WWOX: variants seen among roughly 807,000 people sequenced by gnomAD.
The protein encoded by WWOX is WW domain-containing oxidoreductase.
WWOX carries 69 observed loss-of-function variants against 46.2 expected under a neutral mutation model. The ratio of observed to expected loss-of-function variants is 1.49; its 90% confidence interval spans 1.23 to 1.82. WWOX has a LOEUF of 1.82. WWOX is among the 40% of genes most tolerant of loss of function. WWOX has a pLI of 0.00. For synonymous variants in WWOX, 359 were observed against 202.6 expected (o/e 1.77, Z -6.56); for missense variants, 919 against 542.6 (o/e 1.69, Z -6.89).
At chr16:78,469,752 C>G (rs1053144377) in intron 8 of WWOX, among the ~76,000 whole-genome samples, 3 of 152,120 alleles carry the variant, frequency 2.0e-5, no homozygotes, top group Admixed American at 1.3e-4. Context: ...AGAAATGTTA[C>G]CAGGCATATT....
intron 8 of WWOX, among the ~76,000 whole-genome samples, chr16:78,801,542 G>C (rs185296400): frequency 6.6e-6 from 1 of 152,124 alleles, no homozygotes; most frequent in Non-Finnish European, 1.5e-5. Flanking sequence ...TTTAGCTTCC[G>C]ATGAGGATAT....
At chr16:78,524,323 C>A (rs1597210160) in intron 8 of WWOX, among the ~76,000 whole-genome samples, 1 of 152,064 alleles carries the variant, frequency 6.6e-6, no homozygotes, top group South Asian at 2.1e-4. Flanking sequence ...TGCTGTAAGC[C>A]ACTTTCTTCT....
chr16:78,123,452 T>G (rs1428844128), intron 4 of WWOX: 6 of 25,662 alleles, frequency 2.3e-4, no homozygotes, highest in Non-Finnish European at 2.9e-4. Flanking sequence ...TTTTTTTTTT[T>G]TTGTTTTTTT....
chr16:79,027,280 A>AC (rs909630798), intron 8 of WWOX, among the ~76,000 whole-genome samples: 3 of 8,194 alleles, frequency 3.7e-4, no homozygotes, highest in African/African-American at 1.2e-3. Context: ...ACTCCATCTC[A>AC]AAAAAAAAAA....
intron 8 of WWOX, among the ~76,000 whole-genome samples, chr16:79,038,664 C>G (rs762095844): frequency 6.8e-4 from 104 of 152,244 alleles, no homozygotes; most frequent in Non-Finnish European, 9.3e-4. Context: ...ATTTTCCTGC[C>G]TCAGGCTCCC....
At chr16:78,869,163 T>G (rs1323112371) in intron 8 of WWOX, among the ~76,000 whole-genome samples, 1 of 152,222 alleles carries the variant, frequency 6.6e-6, no homozygotes, top group Non-Finnish European at 1.5e-5. Context: ...ATATACGTTT[T>G]AGTCAACCAT....
intron 8 of WWOX, among the ~76,000 whole-genome samples, chr16:78,685,901 CAA>C (rs960126524): frequency 3.8e-5 from 2 of 52,184 alleles, no homozygotes. Context: ...GGAAAAAAAA[CAA>C]AAAAGAAAAA....
chr16:78,855,103 C>T (rs2052537010), intron 8 of WWOX, among the ~76,000 whole-genome samples: 1 of 152,076 alleles, frequency 6.6e-6, no homozygotes, highest in Admixed American at 6.5e-5. Context: ...CAATTATTAC[C>T]TTTGTTTTTA....
chr16:78,739,717 A>G (rs2049170843), intron 8 of WWOX, among the ~76,000 whole-genome samples: 1 of 152,166 alleles, frequency 6.6e-6, no homozygotes, highest in African/African-American at 2.4e-5. Flanking sequence ...AGGCTGAGGC[A>G]GGAGAATCGC....
At chr16:78,610,847 A>C (rs936769808) in intron 8 of WWOX, among the ~76,000 whole-genome samples, 2 of 152,162 alleles carry the variant, frequency 1.3e-5, no homozygotes, top group African/African-American at 4.8e-5. Flanking sequence ...TTGTATTTAC[A>C]AATGTGGCAT....
chr16:79,005,144 C>G (rs57254180), intron 8 of WWOX, among the ~76,000 whole-genome samples: 12 of 152,140 alleles, frequency 7.9e-5, no homozygotes, highest in Admixed American at 4.6e-4. Flanking sequence ...TTCTGTCTGG[C>G]CTTTCTCTTT....
At chr16:78,741,739 C>T (rs1249737729) in intron 8 of WWOX, among the ~76,000 whole-genome samples, 3 of 152,080 alleles carry the variant, frequency 2.0e-5, no homozygotes, top group South Asian at 4.1e-4. Context: ...TCTGTAGTCT[C>T]AGCTACTCAG....
intron 8 of WWOX, among the ~76,000 whole-genome samples, chr16:78,652,763 G>A (rs2046995112): frequency 6.6e-6 from 1 of 152,152 alleles, no homozygotes; most frequent in Non-Finnish European, 1.5e-5. Flanking sequence ...TGGTAAAGAA[G>A]CAGATATTTC....
intron 8 of WWOX, among the ~76,000 whole-genome samples, chr16:78,532,849 A>G (rs2043656060): frequency 6.6e-6 from 1 of 152,184 alleles, no homozygotes; most frequent in African/African-American, 2.4e-5. Context: ...AACATGTGGG[A>G]ATTCAAGAAG....
intron 8 of WWOX, among the ~76,000 whole-genome samples, chr16:78,544,162 A>G (rs2941940): frequency 0.59 from 89,682 of 152,052 alleles, 29,789 homozygotes; most frequent in East Asian, 0.75. Flanking sequence ...TTAATATTCA[A>G]TGAATAAAAA....
Position 78,979,554 on chromosome 16 carries a change from G to C in WWOX, c.1057-232054G>C, listed in dbSNP as rs577440784. Among the ~76,000 whole-genome samples, 5 of 152,262 alleles carry C rather than the reference G, an allele frequency of 3.3e-5. No individual in the cohort carries two copies. The East Asian group carries it at 7.7e-4, about 24-fold the overall frequency. Reference sequence around the variant, plus strand: ...CTGGAATCAGCTAGCGATGGCTAAGGCTCCTGTGACGGTTTCTACAGAGGT... The same window carrying C: ...CTGGAATCAGCTAGCGATGGCTAAGCCTCCTGTGACGGTTTCTACAGAGGT... On this transcript the variant is annotated intron_variant, in intron 8 of 8. Transcript: ENST00000566780.
At chr16:78,637,717 C>A (rs968526882) in intron 8 of WWOX, among the ~76,000 whole-genome samples, 1 of 152,170 alleles carries the variant, frequency 6.6e-6, no homozygotes, top group Non-Finnish European at 1.5e-5. Flanking sequence ...TTAAGCCCTT[C>A]CATTTGAAAG....
intron 8 of WWOX, among the ~76,000 whole-genome samples, chr16:78,717,432 C>T (rs1325635848): frequency 6.6e-6 from 1 of 152,152 alleles, no homozygotes; most frequent in Non-Finnish European, 1.5e-5. Context: ...TTGTTCATTG[C>T]TATGGCTTTA....
At chr16:78,595,336 T>A (rs1431467093) in intron 8 of WWOX, among the ~76,000 whole-genome samples, 1 of 152,166 alleles carries the variant, frequency 6.6e-6, no homozygotes, top group East Asian at 1.9e-4. Context: ...AGCCTGTGTT[T>A]TTCTTGCTCA....
Sources: allele counts gnomAD v4.1 joint callset (sites outside exome capture counted in the v4.1 genomes callset), GRCh38; gene constraint gnomAD v4.1.1; transcripts MANE v1.5; gene names NCBI Gene and HGNC (gene_info 2026-07-23, HGNC 2026-07-21).